Variants in A2ML1 observed in about 807,000 individuals in gnomAD.
A2ML1 encodes the protein alpha-2-macroglobulin-like protein 1.
In A2ML1, 161 loss-of-function variants were observed where a neutral mutation model predicts 181.9. That is an observed-to-expected ratio of 0.89 (90% CI 0.78 to 1.01). The LOEUF is 1.01. Among genes scored for constraint, A2ML1 ranks in the 50% least tolerant of loss-of-function variants. The probability of loss-of-function intolerance (pLI) is 0.00; values close to 1 mark genes in which losing one functional copy is unlikely to be tolerated. For synonymous variants in A2ML1, 663 were observed against 666.8 expected, an observed-to-expected ratio of 0.99 and a Z score of 0.09; for missense variants, 1,670 against 1,768.1, an observed-to-expected ratio of 0.94 and a Z score of 1.00.
At chr12:8,854,373 T>G in intron 21 of A2ML1, 124 bp downstream of exon 21, 90 of 1,387,900 alleles carry the variant, frequency 6.5e-5, no homozygotes, top group Non-Finnish European at 7.8e-5. Context: ...AACTTTCTCC[T>G]TCCCTGGCCC....
intron 4 of A2ML1, among the ~76,000 whole-genome samples, chr12:8,831,735 G>GTTTTTT (rs1033116223): frequency 6.6e-6 from 1 of 150,420 alleles, no homozygotes; most frequent in Non-Finnish European, 1.5e-5. Context: ...TGGAAATCGA[G>GTTTTTT]TTTTTTTTTG....
rs770762334 is a variant in A2ML1 at position 8,851,790 on chromosome 12, G to A, written c.2241G>A (p.Ser747=). ...GGTCCTTGTGTTTTCACAGTAACTC[G>A]GGGAAGGAGGCGGTCCACGTCACAG... ...WLWDLFPIGN[S]GKEAVHVTVP... The change falls in exon 19 of 36, where the codon TCG becomes TCA. Residue 747 remains serine (S), a synonymous_variant. Transcript: ENST00000299698. 1.4e-5 allele frequency: 23 copies of A among 1,614,008 alleles called. No individual in the cohort carries two copies. The African/African-American group carries it at 1.5e-4, about 10-fold the overall frequency.
chr12:8,834,452 C>A (rs987751969), intron 4 of A2ML1, among the ~76,000 whole-genome samples: 2 of 152,214 alleles, frequency 1.3e-5, no homozygotes, highest in Non-Finnish European at 2.9e-5. Flanking sequence ...TGCCCCCACT[C>A]TTACCCTCCT....
At chr12:8,869,704 G>T (rs1944556215) in intron 33 of A2ML1, among the ~76,000 whole-genome samples, 1 of 152,140 alleles carries the variant, frequency 6.6e-6, no homozygotes, top group Non-Finnish European at 1.5e-5. Context: ...TCTAGAGTAT[G>T]TTATAGTGGT....
Position 8,850,258 on chromosome 12 carries a change from GA to G in A2ML1, c.2219del (p.Asp740ValfsTer27). 6.2e-7 allele frequency: 1 copy of G among 1,612,532 alleles called. No homozygotes were observed. The highest frequency in any genetic ancestry group is 8.5e-7 in the Non-Finnish European group (1 of 1,179,490). On this transcript the variant is annotated frameshift_variant, in exon 18 of 36. Coordinates refer to ENST00000299698, the MANE Select transcript of A2ML1 (RefSeq NM_144670.6). LOFTEE classifies it high-confidence loss of function. ...GTACTTCCCAGAGACCTGGCTCTGG[GA>G]TCTGTTTCCTATTGGGTAAGTGATG... ...RQYFPETWLW[D>X]LFPIGNSGKE...
At chr12:8,838,504 C>T (rs1214616453) in intron 9 of A2ML1, 54 bp downstream of exon 9, 4 of 1,409,756 alleles carry the variant, frequency 2.8e-6, no homozygotes, top group Non-Finnish European at 4.0e-6. Flanking sequence ...AAGGGCTGGT[C>T]CCAGGGACAG....
In A2ML1 at chr12:8,868,225, A is replaced by C; in HGVS notation, c.3934-5A>C. The C allele has an allele frequency of 6.2e-7, 1 of 1,613,916 alleles. No individual in the cohort carries two copies. The highest frequency in any genetic ancestry group is 8.5e-7 in the Non-Finnish European group (1 of 1,179,998). On this transcript the variant is annotated splice_region_variant and splice_polypyrimidine_tract_variant and intron_variant, in intron 30 of 35. Transcript: ENST00000299698. ...CTGATTTGGCTACCTATTTCTTCCT[A>C]CCAGACGGTGTTGAGATACAATATT... is the stretch of plus-strand genomic sequence containing the variant.
At chr12:8,838,242 G>A in intron 8 of A2ML1, 94 bp from the exon 9 acceptor site, 1 of 818,328 alleles carries the variant, frequency 1.2e-6, no homozygotes, top group Non-Finnish European at 1.9e-6. Context: ...GTGTGGAGAT[G>A]AGAAATTATT....
Position 8,851,906 on chromosome 12 carries a change from C to T in A2ML1, c.2357C>T (p.Ala786Val). 6.2e-7 allele frequency: 1 copy of T among 1,614,204 alleles called. No homozygotes were observed. Among genetic ancestry groups the T allele is most frequent in the Middle Eastern group, 1.6e-4 (1 of 6,062 alleles). ...FGLSPTVGLT[A>V]FKPFFVDLTL... ...CTTTCACCCACTGTTGGACTAACTG[C>T]TTTCAAGCCGTTCTTTGTTGACCTG... The change falls in exon 19 of 36, where the codon GCT becomes GTT. Residue 786 changes from alanine (A) to valine (V), a missense_variant. By Grantham distance (64) the Ala-to-Val change is moderately conservative. Transcript: ENST00000299698.
chr12:8,839,145 A>C lies in A2ML1; in HGVS notation c.1003A>C (p.Ile335Leu). 1 of 1,613,462 alleles carries C rather than the reference A, an allele frequency of 6.2e-7. No homozygotes were observed. Among genetic ancestry groups the C allele is most frequent in the African/African-American group, 1.3e-5 (1 of 74,976 alleles). Residue 335 changes from isoleucine (I) to leucine (L), a missense_variant, in exon 10 of 36, where the codon ATT (isoleucine) becomes CTT (leucine). Ile to Leu is a conservative substitution (Grantham distance 5). Coordinates refer to ENST00000299698, the MANE Select transcript of A2ML1 (RefSeq NM_144670.6). ...VEANATQNIY[I>L]SPQMGSMTFE... ...GGCCAATGCCACTCAGAATATCTAC[A>C]TTTCTCCACAAATGGGATCAATGAC...
At chr12:8,825,743 A>G (rs1942908246) in intron 3 of A2ML1, among the ~76,000 whole-genome samples, 1 of 151,106 alleles carries the variant, frequency 6.6e-6, no homozygotes, top group Non-Finnish European at 1.5e-5. Flanking sequence ...TTAGATTTAA[A>G]TCTTTCATCC....
At chr12:8,832,436 T>C (rs1481811945) in intron 4 of A2ML1, among the ~76,000 whole-genome samples, 1 of 152,220 alleles carries the variant, frequency 6.6e-6, no homozygotes, top group Non-Finnish European at 1.5e-5. Context: ...GGGGGTCTTT[T>C]TGGGAAAGGG....
Position 8,852,031 on chromosome 12 carries a change from G to A in A2ML1, c.2463+19G>A. 2 of 1,610,892 alleles carry A rather than the reference G, an allele frequency of 1.2e-6. No homozygotes were observed. The highest frequency in any genetic ancestry group is 8.5e-7 in the Non-Finnish European group (1 of 1,177,124). ...CATCAGGGTGAGAGCTGGGGATACA[G>A]GAATCAGGTGTCAGCCCTGGAATCA... On this transcript the variant is annotated intron_variant, in intron 19 of 35. Transcript: ENST00000299698. This position sits in a 1 kb window ranked among gnomAD's most constrained non-coding sequence, Gnocchi z 4.2.
intron 17 of A2ML1, 125 bp from the exon 18 acceptor site, chr12:8,850,035 C>T (rs1342561457): frequency 1.3e-6 from 1 of 783,380 alleles, no homozygotes; most frequent in African/African-American, 1.7e-5. Flanking sequence ...GTCCTTCCTC[C>T]TTGCCTCTGA....
Position 8,855,534 on chromosome 12 carries a change from C to T in A2ML1, c.2790C>T (p.Ser930=), listed in dbSNP as rs1157394021. The change falls in exon 23 of 36, where the codon TCC becomes TCT. Residue 930 remains serine (S), a synonymous_variant. Coordinates refer to ENST00000299698, the MANE Select transcript of A2ML1 (RefSeq NM_144670.6). Reference sequence around the variant, plus strand: ...GAAAGGTGGCATCTGAATCTGTCTCCCTGGAGCTCCCAGTGGACATTGTTC... The same window carrying T: ...GAAAGGTGGCATCTGAATCTGTCTCTCTGGAGCTCCCAGTGGACATTGTTC... ...PKGKVASESV[S]LELPVDIVPD... is the part of the protein sequence containing the mutation. The T allele has an allele frequency of 6.2e-7, 1 of 1,614,062 alleles. No homozygotes were observed. The highest frequency in any genetic ancestry group is 8.5e-7 in the Non-Finnish European group (1 of 1,180,012).
In A2ML1 at chr12:8,860,933, T is replaced by G. The variant is rs1318932999; in HGVS notation, c.3317T>G (p.Leu1106Arg). 1 of 1,614,124 alleles carries G rather than the reference T, an allele frequency of 6.2e-7. No individual in the cohort carries two copies. Among genetic ancestry groups the G allele is most frequent in the Non-Finnish European group, 8.5e-7 (1 of 1,180,034 alleles). Residue 1106 changes from leucine to arginine, a missense_variant, in exon 27 of 36, where the codon CTG becomes CGG. Physicochemically the swap from Leu to Arg is moderately radical, Grantham distance 102 (BLOSUM62 -2). Coordinates refer to ENST00000299698, the MANE Select transcript of A2ML1 (RefSeq NM_144670.6). ...ACTGCGTATGTCACAGCTGCATTGC[T>G]GGAGATGGGAAAGGATGTAGATGTA... The part of the protein sequence containing the change: ...SLTAYVTAAL[L>R]EMGKDVDDPM...
chr12:8,862,139 C>A (rs1944289920), intron 28 of A2ML1, among the ~76,000 whole-genome samples: 1 of 152,164 alleles, frequency 6.6e-6, no homozygotes, highest in Non-Finnish European at 1.5e-5. Flanking sequence ...TGGAATCACC[C>A]TTTTGGAGAT....
chr12:8,885,326 A>G (rs1247946557), intron 7 of A2ML1, among the ~76,000 whole-genome samples: 1 of 152,144 alleles, frequency 6.6e-6, no homozygotes, highest in Non-Finnish European at 1.5e-5. Context: ...TGGGAGGATT[A>G]CTTGAGGCCA....
chr12:8,835,283 G>A (rs186596525), intron 5 of A2ML1, among the ~76,000 whole-genome samples: 13 of 152,254 alleles, frequency 8.5e-5, no homozygotes, highest in East Asian at 5.8e-4. Flanking sequence ...AAATCCACAA[G>A]ATTTCCTACC....
Sources: allele counts gnomAD v4.1 joint callset (sites outside exome capture counted in the v4.1 genomes callset), GRCh38; gene constraint gnomAD v4.1.1; non-coding constraint Gnocchi (gnomAD v3.1); transcripts MANE v1.5; gene names NCBI Gene and HGNC (gene_info 2026-07-23, HGNC 2026-07-21).